CCDC33: variants seen among roughly 807,000 people sequenced by gnomAD.
CCDC33 encodes the protein coiled-coil domain-containing protein 33.
CCDC33 carries 94 observed loss-of-function variants against 91.9 expected under a neutral mutation model. The ratio of observed to expected loss-of-function variants is 1.02; its 90% CI spans 0.87 to 1.21. The LOEUF is 1.21. Among genes scored for constraint, CCDC33 ranks in the 50% most tolerant of loss-of-function variants. The pLI, the probability that CCDC33 is intolerant of heterozygous loss-of-function variation, is 0.00. For synonymous variants in CCDC33, 396 were observed against 374.5 expected (o/e 1.06, Z -0.66); for missense variants, 940 against 935.5 (o/e 1.00, Z -0.06).
intron 1 of CCDC33, among the ~76,000 whole-genome samples, chr15:74,209,182 C>T (rs2074329212): frequency 6.6e-6 from 1 of 152,182 alleles, no homozygotes; most frequent in South Asian, 2.1e-4. Flanking sequence ...GGGCCCCACA[C>T]AACACACAGG....
intron 4 of CCDC33, among the ~76,000 whole-genome samples, chr15:74,267,421 A>G (rs774555102): frequency 6.7e-4 from 102 of 152,320 alleles, no homozygotes; most frequent in Non-Finnish European, 1.1e-3. Flanking sequence ...GGTCCAAGCC[A>G]TGGACTGAGG....
At position 74,263,171 on chromosome 15, in the gene CCDC33, C is replaced by G. The variant is rs148320374; in HGVS notation, c.319+598C>G. 5.3e-3 allele frequency among the ~76,000 whole-genome samples: 806 copies of G among 152,350 alleles called. 8 individuals are homozygous for G. The highest frequency in any genetic ancestry group is 7.1e-3 in the Non-Finnish European group (486 of 68,028). On this transcript the variant is annotated intron_variant, in intron 3 of 18. Transcript: ENST00000398814. ...CACGAGGTGCCCATGTACACACATG[C>G]ATGTGCACACTTATATTTACTTTCA...
upstream of CCDC33, among the ~76,000 whole-genome samples, chr15:74,215,877 A>C (rs201329174): frequency 5.1e-4 from 76 of 148,482 alleles, no homozygotes; most frequent in East Asian, 9.5e-3. Context: ...ATCTCACCAA[A>C]AAAAAAAAAA....
chr15:74,280,615 TG>T, intron 8 of CCDC33, 52 bp from the exon 9 acceptor site: 7 of 1,422,902 alleles, frequency 4.9e-6, no homozygotes, highest in Non-Finnish European at 6.5e-6. Context: ...TATTAAAGGA[TG>T]GGGCCGAGGT....
chr15:74,336,383 C>T (rs2060567853), downstream of CCDC33: 1 of 1,327,550 alleles, frequency 7.5e-7, no homozygotes, highest in Non-Finnish European at 9.9e-7. Context: ...GCAAGGCCAC[C>T]AGAGACCAGC....
At chr15:74,212,828 T>C (rs535278252), upstream of CCDC33, 24 of 152,206 alleles carry the variant, frequency 1.6e-4, no homozygotes, top group African/African-American at 5.5e-4. Flanking sequence ...AGGCGGGTTA[T>C]AGAAATCAAA....
At chr15:74,262,259 A>G (rs2076044353) in intron 2 of CCDC33, among the ~76,000 whole-genome samples, 181 bp from the exon 3 acceptor site, 2 of 152,138 alleles carry the variant, frequency 1.3e-5, no homozygotes, top group Admixed American at 1.3e-4. Context: ...CAGTGTGGTC[A>G]CCTGGGCTGG....
At chr15:74,262,915 T>A (rs1361016646) in intron 3 of CCDC33, among the ~76,000 whole-genome samples, 2 of 152,076 alleles carry the variant, frequency 1.3e-5, no homozygotes, top group Admixed American at 1.3e-4. Flanking sequence ...CTCATTGGAG[T>A]CACCACCTCC....
At chr15:74,309,234 C>T (rs570680804) in intron 11 of CCDC33, among the ~76,000 whole-genome samples, 1 of 152,178 alleles carries the variant, frequency 6.6e-6, no homozygotes, top group Non-Finnish European at 1.5e-5. Context: ...CTGCCTCAAG[C>T]CTTTACCTGA....
rs1032338004 is a variant in CCDC33, at chr15:74,316,286, C to A, written c.1291-13903C>A. Among the ~76,000 whole-genome samples the A allele has an allele frequency of 6.6e-6, 1 of 152,200 alleles. No homozygotes were observed. Among genetic ancestry groups the A allele is most frequent in the African/African-American group, 2.4e-5 (1 of 41,448 alleles). ...ATGGGTCCCTGAGGGTCCGCTGGGGCGCCCCTCCAGCCTCCCGCCAGAGCA... is the reference window on the plus strand; with the variant it reads ...ATGGGTCCCTGAGGGTCCGCTGGGGAGCCCCTCCAGCCTCCCGCCAGAGCA... On this transcript the variant is annotated intron_variant, in intron 11 of 18. Transcript: ENST00000398814. This position sits in a 1 kb window ranked among gnomAD's most constrained non-coding sequence, Gnocchi z 4.7.
At chr15:74,288,467 T>C (rs1445224316) in intron 10 of CCDC33, among the ~76,000 whole-genome samples, 2 of 152,218 alleles carry the variant, frequency 1.3e-5, no homozygotes, top group Admixed American at 1.3e-4. Flanking sequence ...TCCCTCTCTC[T>C]GAATACATTC....
Position 74,281,751 on chromosome 15 carries a change from GTC to G in CCDC33, c.1024-25_1024-24del, listed in dbSNP as rs748473248. On this transcript the variant is annotated intron_variant, in intron 9 of 18. Coordinates refer to ENST00000398814, the MANE Select transcript of CCDC33 (RefSeq NM_025055.5). ...GGCGGAAGCTGCCCTGGCCAGCATG[GTC>G]TGAGTGCTCCCTTTTCCTCCCCAGG... 2.6e-5 allele frequency: 41 copies of G among 1,605,468 alleles called. No individual in the cohort carries two copies. In the African/African-American group the frequency reaches 5.2e-4, roughly 20 times the overall value.
chr15:74,272,950 A>T, intron 7 of CCDC33, 59 bp downstream of exon 7: 1 of 1,599,952 alleles, frequency 6.3e-7, no homozygotes, highest in Non-Finnish European at 8.6e-7. Flanking sequence ...TTCACTGTTC[A>T]CTCACTCAGT....
At chr15:74,274,241 G>T (rs907677301) in intron 7 of CCDC33, among the ~76,000 whole-genome samples, 5 of 152,242 alleles carry the variant, frequency 3.3e-5, no homozygotes, top group African/African-American at 1.2e-4. Flanking sequence ...CAGACAGGAG[G>T]GCTGTGTGTT....
chr15:74,278,377 G>T (rs933145170), intron 7 of CCDC33, among the ~76,000 whole-genome samples: 2 of 152,264 alleles, frequency 1.3e-5, no homozygotes, highest in African/African-American at 2.4e-5. Context: ...TGATTCCTGT[G>T]GGGGAGCAGG....
chr15:74,330,492 G>A (rs928179630), intron 12 of CCDC33, 138 bp downstream of exon 12: 2 of 1,145,568 alleles, frequency 1.7e-6, no homozygotes, highest in African/African-American at 1.5e-5. Context: ...CTCGCCCACA[G>A]ACACTCACAC....
At chr15:74,317,497 C>T (rs1281229254) in intron 11 of CCDC33, among the ~76,000 whole-genome samples, 1 of 152,232 alleles carries the variant, frequency 6.6e-6, no homozygotes, top group Non-Finnish European at 1.5e-5. Context: ...CTGAGCTGGG[C>T]ACCCAGCAGC....
intron 5 of CCDC33, among the ~76,000 whole-genome samples, chr15:74,270,459 G>C (rs928025335): frequency 6.6e-6 from 1 of 152,186 alleles, no homozygotes; most frequent in East Asian, 1.9e-4. Context: ...GGCTTGTGGG[G>C]TGTCGGGCAG....
At chr15:74,307,034 G>A (rs1406905260) in intron 11 of CCDC33, among the ~76,000 whole-genome samples, 1 of 152,146 alleles carries the variant, frequency 6.6e-6, no homozygotes, top group Admixed American at 6.6e-5. Context: ...TCCTGGCGCT[G>A]CTCCTTAGTG....
Sources: gnomAD v4.1 joint callset for allele counts (sites outside exome capture counted in the v4.1 genomes callset) on GRCh38, gnomAD v4.1.1 for gene constraint, Gnocchi (gnomAD v3.1) non-coding constraint, MANE v1.5 for transcripts, NCBI Gene and HGNC (gene_info 2026-07-23, HGNC 2026-07-21) for gene names.